The following FAF1 variants were observed in gnomAD, a reference collection of about 807,000 sequenced individuals.
FAF1 encodes Fas associated factor 1, also known as FAS-associated factor 1.
Under a neutral mutation model 92.5 loss-of-function variants are expected in FAF1, and 25 were observed. That is an observed-to-expected ratio of 0.27 (90% confidence interval 0.20 to 0.38). The LOEUF is 0.38. FAF1 is among the 10% of genes least tolerant of loss of function. The pLI is 1.00. For synonymous variants in FAF1, 234 were observed against 273.2 expected (o/e 0.86, Z 1.42); for missense variants, 636 against 793.3 (o/e 0.80, Z 2.38).
At chr1:50,915,918 T>C (rs1489853340) in intron 1 of FAF1, among the ~76,000 whole-genome samples, 1 of 152,102 alleles carries the variant, frequency 6.6e-6, no homozygotes, top group African/African-American at 2.4e-5. Context: ...AATCCTTTTT[T>C]TTTCCCCTAA....
Position 50,959,853 on chromosome 1 carries a change from C to T in FAF1, c.-42G>A. 6.7e-7 allele frequency: 1 copy of T among 1,488,626 alleles called. No homozygotes were observed. Among genetic ancestry groups the T allele is most frequent in the East Asian group, 2.8e-5 (1 of 36,074 alleles). The allele number at this position is 1,488,626 out of a possible 1,614,324, so 92.2% of individuals were successfully genotyped here. ...CGCGGCTCCGGGAGCGAAGCGCGCA[C>T]CTGGGAGGCAGACGGCACCTCCTGC... On this transcript the variant is annotated 5_prime_UTR_variant, in exon 1 of 19. In the 5' UTR this introduces an upstream ATG that the reference lacks. Transcript: ENST00000396153.
chr1:50,687,441 T>C (rs181183784), intron 7 of FAF1, among the ~76,000 whole-genome samples: 1 of 149,566 alleles, frequency 6.7e-6, no homozygotes, highest in Admixed American at 6.7e-5. Context: ...AAATGGTCAA[T>C]AAACACATGA....
intron 1 of FAF1, among the ~76,000 whole-genome samples, chr1:50,885,202 T>C (rs1644648554): frequency 6.6e-6 from 1 of 152,122 alleles, no homozygotes. Context: ...GTTTATCTTT[T>C]CAAAAAAACC....
At chr1:50,593,314 AAC>A (rs774942502) in intron 9 of FAF1, among the ~76,000 whole-genome samples, 59 of 152,200 alleles carry the variant, frequency 3.9e-4, no homozygotes, top group Non-Finnish European at 7.9e-4. Flanking sequence ...CCACCCAAAT[AAC>A]ACATATAATA....
intron 6 of FAF1, among the ~76,000 whole-genome samples, chr1:50,733,318 A>T (rs1180070201): frequency 2.0e-5 from 3 of 152,298 alleles, no homozygotes; most frequent in Non-Finnish European, 4.4e-5. Flanking sequence ...AGATCCCAGA[A>T]ATGTTCTCCA....
intron 15 of FAF1, among the ~76,000 whole-genome samples, chr1:50,506,190 T>C (rs567004383): frequency 6.6e-6 from 1 of 152,340 alleles, no homozygotes; most frequent in South Asian, 2.1e-4. Context: ...CCACCTGTCT[T>C]AGAGGCTTAT....
At chr1:50,769,213 C>T (rs1003410388) in intron 4 of FAF1, among the ~76,000 whole-genome samples, 9 of 152,142 alleles carry the variant, frequency 5.9e-5, no homozygotes, top group African/African-American at 2.2e-4. Flanking sequence ...GAATAAATTT[C>T]TGGAAACATA....
intron 3 of FAF1, among the ~76,000 whole-genome samples, chr1:50,793,892 TC>T: frequency 6.6e-6 from 1 of 152,340 alleles, no homozygotes; most frequent in East Asian, 1.9e-4. Context: ...TCTGAAATGT[TC>T]CAAAATCTGA....
chr1:50,856,484 G>C (rs997174451), intron 2 of FAF1, among the ~76,000 whole-genome samples: 1 of 151,760 alleles, frequency 6.6e-6, no homozygotes, highest in Non-Finnish European at 1.5e-5. Flanking sequence ...TGAATTTAGA[G>C]TCAAGCTATA....
intron 1 of FAF1, among the ~76,000 whole-genome samples, chr1:50,873,775 C>T (rs1208975567): frequency 6.6e-6 from 1 of 152,192 alleles, no homozygotes; most frequent in African/African-American, 2.4e-5. Context: ...AGCCCTGCTC[C>T]GCAAGGTGGC....
chr1:50,797,115 G>A (rs1008523301), intron 3 of FAF1, among the ~76,000 whole-genome samples: 1 of 152,036 alleles, frequency 6.6e-6, no homozygotes, highest in African/African-American at 2.4e-5. Flanking sequence ...CAGCCTGGGT[G>A]ACAGAGTGAG....
intron 18 of FAF1, chr1:50,461,453 AC>A (rs1456717840): frequency 2.0e-5 from 3 of 152,030 alleles, no homozygotes; most frequent in Non-Finnish European, 4.4e-5. Flanking sequence ...CTATCCATCT[AC>A]CTACCCACAA....
chr1:50,794,956 G>A (rs1324063705), intron 3 of FAF1, among the ~76,000 whole-genome samples: 1 of 152,114 alleles, frequency 6.6e-6, no homozygotes, highest in Non-Finnish European at 1.5e-5. Flanking sequence ...TGTTTCTTAA[G>A]TGAATATTCT....
At chr1:50,773,091 G>C (rs1476761679) in intron 4 of FAF1, among the ~76,000 whole-genome samples, 7 of 152,086 alleles carry the variant, frequency 4.6e-5, no homozygotes, top group East Asian at 1.9e-4. Context: ...CATTTAAAAT[G>C]CTTTAACATA....
At chr1:50,462,964 TGA>T (rs1319153515) in intron 18 of FAF1, among the ~76,000 whole-genome samples, 1 of 152,204 alleles carries the variant, frequency 6.6e-6, no homozygotes, top group Non-Finnish European at 1.5e-5. Flanking sequence ...TGCTACTGTT[TGA>T]GAGGCCTGCT....
intron 1 of FAF1, among the ~76,000 whole-genome samples, chr1:50,905,699 A>C (rs141198842): frequency 0.01 from 1,533 of 152,188 alleles, 35 homozygotes; most frequent in East Asian, 0.014. Flanking sequence ...AGTGTCTGTT[A>C]ATATCCTTCA....
chr1:50,633,428 C>A (rs1398243838), intron 8 of FAF1, among the ~76,000 whole-genome samples: 1 of 152,172 alleles, frequency 6.6e-6, no homozygotes, highest in African/African-American at 2.4e-5. Context: ...TATGAAGTGG[C>A]ACAGCAAAAC....
chr1:50,800,961 G>A lies in FAF1; in HGVS notation c.161+670C>T, dbSNP rs933916342. 7.9e-5 allele frequency among the ~76,000 whole-genome samples: 12 copies of A among 152,290 alleles called. No homozygotes were observed. The South Asian group carries it at 2.1e-3, about 26-fold the overall frequency. On this transcript the variant is annotated intron_variant, in intron 3 of 18. Transcript: ENST00000396153. ...TTTACCTCCTAAGACTTTATAAAGT[G>A]TTCTTTAATTCAGAACCAGAGTCTC...
chr1:50,674,969 C>A (rs936553698), intron 7 of FAF1, among the ~76,000 whole-genome samples: 2 of 152,050 alleles, frequency 1.3e-5, no homozygotes. Context: ...TGGCTAACTG[C>A]AACCTCCGCC....
Sources: allele counts gnomAD v4.1 joint callset (sites outside exome capture counted in the v4.1 genomes callset), GRCh38; gene constraint gnomAD v4.1.1; transcripts MANE v1.5; gene names NCBI Gene and HGNC (gene_info 2026-07-23, HGNC 2026-07-21).